Variants in STARD13 observed in about 807,000 individuals in gnomAD.
STARD13 encodes StAR related lipid transfer domain containing 13, also known as stAR-related lipid transfer protein 13.
STARD13 carries 62 observed loss-of-function variants against 106.4 expected under a neutral mutation model. That is an observed-to-expected ratio of 0.58 (90% CI 0.48 to 0.72). STARD13 has a LOEUF of 0.72. STARD13 is among the 30% of genes least tolerant of loss of function. STARD13 has a pLI of 0.00. For synonymous variants in STARD13, 565 were observed against 553.0 expected (o/e 1.02, Z -0.31); for missense variants, 1,387 against 1,424.0 (o/e 0.97, Z 0.42).
Position 33,103,538 on chromosome 13 carries a change from G to A in STARD13, c.*2055C>T, listed in dbSNP as rs1163832836. 1 of 152,644 alleles carries A rather than the reference G, an allele frequency of 6.6e-6. No individual in the cohort carries two copies. Among genetic ancestry groups the A allele is most frequent in the African/African-American group, 2.4e-5 (1 of 41,446 alleles). The allele number at this position is 152,644 out of a possible 1,614,324, so 9.5% of individuals were successfully genotyped here. On this transcript the variant is annotated 3_prime_UTR_variant, in exon 14 of 14. Transcript: ENST00000336934. ...TTCTAGGTCCTCGTTTCTGAGTGTGGTTTTAGGCCAGCAGCATAGGCATCC... is the reference window on the plus strand; with the variant it reads ...TTCTAGGTCCTCGTTTCTGAGTGTGATTTTAGGCCAGCAGCATAGGCATCC...
the STARD13 span, among the ~76,000 whole-genome samples, chr13:33,358,235 A>T: frequency 0.039 from 5,872 of 152,172 alleles, 418 homozygotes; most frequent in African/African-American, 0.13. Flanking sequence ...GGCTCGGGAC[A>T]TGCAGCCCGC....
chr13:33,283,658 T>C (rs1891916145), intron 1 of STARD13, among the ~76,000 whole-genome samples: 1 of 152,214 alleles, frequency 6.6e-6, no homozygotes, highest in Admixed American at 6.5e-5. Context: ...ACTGTCAGTT[T>C]TAAGTGTTAG....
chr13:33,173,583 T>C (rs1400993463), intron 1 of STARD13, among the ~76,000 whole-genome samples: 1 of 152,238 alleles, frequency 6.6e-6, no homozygotes, highest in Non-Finnish European at 1.5e-5. Flanking sequence ...GTTATTTTGA[T>C]ATGTAAAAGA....
At chr13:33,506,417 A>G in the STARD13 span, among the ~76,000 whole-genome samples, 5 of 152,314 alleles carry the variant, frequency 3.3e-5, no homozygotes, top group East Asian at 9.6e-4. Context: ...TTTTCTTGTC[A>G]ACAACATAAC....
the STARD13 span, among the ~76,000 whole-genome samples, chr13:33,478,784 C>T: frequency 5.3e-5 from 8 of 152,206 alleles, no homozygotes; most frequent in African/African-American, 1.9e-4. Flanking sequence ...GGTATGGTGG[C>T]ATGCACCTGT....
intron 1 of STARD13, among the ~76,000 whole-genome samples, chr13:33,310,035 T>C (rs1233984986): frequency 6.6e-6 from 1 of 152,234 alleles, no homozygotes; most frequent in Non-Finnish European, 1.5e-5. Flanking sequence ...GATGTATATA[T>C]AGAGAATAAT....
intron 1 of STARD13, among the ~76,000 whole-genome samples, chr13:33,191,660 C>T (rs1050978609): frequency 4.6e-5 from 7 of 152,178 alleles, no homozygotes; most frequent in African/African-American, 1.7e-4. Flanking sequence ...GGTTGATGAG[C>T]TCTAATCCAA....
At chr13:33,351,498 A>C (rs1212116195), upstream of STARD13, among the ~76,000 whole-genome samples, 1 of 152,206 alleles carries the variant, frequency 6.6e-6, no homozygotes, top group Non-Finnish European at 1.5e-5. Context: ...CATAAGGAGA[A>C]GACAATACTG....
At chr13:33,322,103 C>T (rs184704183) in intron 1 of STARD13, among the ~76,000 whole-genome samples, 50 of 152,262 alleles carry the variant, frequency 3.3e-4, no homozygotes, top group Non-Finnish European at 5.4e-4. Flanking sequence ...TGTTGAGATT[C>T]GCATATATGT....
At chr13:33,144,927 T>A (rs536023868) in intron 3 of STARD13, among the ~76,000 whole-genome samples, 1 of 152,352 alleles carries the variant, frequency 6.6e-6, no homozygotes, top group African/African-American at 2.4e-5. Flanking sequence ...ATCAAAGGAA[T>A]CATCTTCTAT....
chr13:33,644,702 C>T, the STARD13 span, among the ~76,000 whole-genome samples: 10 of 152,226 alleles, frequency 6.6e-5, no homozygotes, highest in African/African-American at 9.6e-5. Context: ...CAAAACAAAA[C>T]GAAAAAGCAC....
the STARD13 span, among the ~76,000 whole-genome samples, chr13:33,466,272 A>G: frequency 1.8e-4 from 27 of 152,356 alleles, no homozygotes; most frequent in Middle Eastern, 3.4e-3. Context: ...TTAACATACA[A>G]TATGTTATGA....
At chr13:33,571,261 A>G in the STARD13 span, among the ~76,000 whole-genome samples, 9 of 152,164 alleles carry the variant, frequency 5.9e-5, no homozygotes, top group Admixed American at 2.6e-4. Context: ...TGGCAATTAT[A>G]ATTCATGTTG....
At chr13:33,556,632 T>C in the STARD13 span, among the ~76,000 whole-genome samples, 1 of 152,182 alleles carries the variant, frequency 6.6e-6, no homozygotes, top group East Asian at 1.9e-4. Flanking sequence ...AAAACTTACT[T>C]TTATAAAAAT....
chr13:33,370,967 ATAGT>A, the STARD13 span, among the ~76,000 whole-genome samples: 7,278 of 152,242 alleles, frequency 0.048, 244 homozygotes, highest in Middle Eastern at 0.092. Flanking sequence ...TTTCAAAGAA[ATAGT>A]TAGTTTCGTC....
intron 13 of STARD13, among the ~76,000 whole-genome samples, chr13:33,106,202 C>A (rs1873675168): frequency 6.6e-6 from 1 of 152,188 alleles, no homozygotes; most frequent in African/African-American, 2.4e-5. Context: ...GGCGGATCAC[C>A]TGAGGTTGGG....
At chr13:33,487,750 C>T in the STARD13 span, among the ~76,000 whole-genome samples, 1 of 152,202 alleles carries the variant, frequency 6.6e-6, no homozygotes, top group East Asian at 1.9e-4. Flanking sequence ...TCCAAAGCCA[C>T]GTTCCTCAAT....
downstream of STARD13, among the ~76,000 whole-genome samples, chr13:33,348,203 A>T (rs1303986054): frequency 6.6e-6 from 1 of 152,160 alleles, no homozygotes; most frequent in African/African-American, 2.4e-5. Flanking sequence ...CCGCTATTTT[A>T]AAAAATAATT....
chr13:33,111,994 C>T (rs889617130), intron 9 of STARD13, 102 bp from the exon 10 acceptor site: 3 of 694,772 alleles, frequency 4.3e-6, no homozygotes, highest in Admixed American at 4.5e-5. Flanking sequence ...AGATGCTATC[C>T]AGATCCCAGG....
Sources: gnomAD v4.1 joint callset for allele counts (sites outside exome capture counted in the v4.1 genomes callset) on GRCh38, gnomAD v4.1.1 for gene constraint, MANE v1.5 for transcripts, NCBI Gene and HGNC (gene_info 2026-07-23, HGNC 2026-07-21) for gene names.